Variants in FGF14 observed in about 807,000 individuals in gnomAD.
The protein encoded by FGF14 is fibroblast growth factor 14, also known as fibroblast growth factor homologous factor 4.
Under a neutral mutation model 25.5 loss-of-function variants are expected in FGF14, and 5 were observed. That is an observed-to-expected ratio of 0.20 (90% confidence interval 0.10 to 0.41). FGF14 has a LOEUF of 0.41. FGF14 is among the 10% of genes least tolerant of loss of function. FGF14 has a pLI of 1.00. For synonymous variants in FGF14, 138 were observed against 118.3 expected (o/e 1.17, Z -1.08); for missense variants, 222 against 320.1 (o/e 0.69, Z 2.34).
chr13:101,938,324 T>C (rs1318471176), intron 1 of FGF14, among the ~76,000 whole-genome samples: 1 of 152,244 alleles, frequency 6.6e-6, no homozygotes, highest in African/African-American at 2.4e-5. Context: ...GTCTGTCATG[T>C]GTATTTACCA....
intron 3 of FGF14, among the ~76,000 whole-genome samples, chr13:101,759,959 T>C (rs2037911715): frequency 6.6e-6 from 1 of 152,092 alleles, no homozygotes; most frequent in African/African-American, 2.4e-5. Context: ...AATAAACTCC[T>C]AAGAGGAAAA....
chr13:101,903,643 G>C (rs1030819953), intron 1 of FGF14, among the ~76,000 whole-genome samples: 1 of 152,028 alleles, frequency 6.6e-6, no homozygotes, highest in Non-Finnish European at 1.5e-5. Flanking sequence ...AGGAGGGAGG[G>C]CTGTGTGCCA....
At chr13:102,384,088 C>A (rs1037001384) in intron 1 of FGF14, among the ~76,000 whole-genome samples, 2 of 151,938 alleles carry the variant, frequency 1.3e-5, no homozygotes, top group African/African-American at 4.8e-5. Flanking sequence ...TTTCTATAAT[C>A]AAAATGTATT....
At chr13:101,929,341 C>A (rs902422982) in intron 1 of FGF14, among the ~76,000 whole-genome samples, 4 of 152,134 alleles carry the variant, frequency 2.6e-5, no homozygotes, top group African/African-American at 4.8e-5. Flanking sequence ...ATGGGGATTG[C>A]AGTCAGAAAA....
rs1406078078 is a variant in FGF14 at position 101,719,318 on chromosome 13, G to C, written c.*3513C>G. 1 of 152,010 alleles carries C rather than the reference G, an allele frequency of 6.6e-6. No homozygotes were observed. Among genetic ancestry groups the C allele is most frequent in the Non-Finnish European group, 1.5e-5 (1 of 67,994 alleles). 9.4% of individuals were successfully genotyped at this position (152,010 alleles called of 1,614,324 possible). ...TAGGTATGATAAAGAACTTCTGCTT[G>C]CTCCCCAAGAGGCAAACTATTAGAA... On this transcript the variant is annotated 3_prime_UTR_variant, in exon 5 of 5. Coordinates refer to ENST00000376143, the MANE Select transcript of FGF14 (RefSeq NM_004115.4).
chr13:101,947,647 G>A (rs999444698), intron 1 of FGF14, among the ~76,000 whole-genome samples: 1 of 152,094 alleles, frequency 6.6e-6, no homozygotes, highest in African/African-American at 2.4e-5. Flanking sequence ...AGTACACATG[G>A]GCAAAAAGAT....
chr13:101,849,929 A>G (rs931577906), intron 3 of FGF14, among the ~76,000 whole-genome samples: 15 of 152,074 alleles, frequency 9.9e-5, no homozygotes, highest in African/African-American at 3.6e-4. Flanking sequence ...GGCTACCACC[A>G]AAGCTCTGAG....
upstream of FGF14, among the ~76,000 whole-genome samples, chr13:101,918,313 C>T (rs2033729654): frequency 6.6e-6 from 1 of 152,152 alleles, no homozygotes; most frequent in Admixed American, 6.5e-5. Context: ...GCTCTGGCTC[C>T]GGGCTTCTTA....
chr13:102,052,267 C>G (rs2042243467), intron 1 of FGF14, among the ~76,000 whole-genome samples: 1 of 151,890 alleles, frequency 6.6e-6, no homozygotes, highest in Non-Finnish European at 1.5e-5. Flanking sequence ...TCAACATCAA[C>G]AGAGCAAATG....
At chr13:101,929,147 G>A (rs764102358) in intron 1 of FGF14, among the ~76,000 whole-genome samples, 6 of 152,156 alleles carry the variant, frequency 3.9e-5, no homozygotes, top group Admixed American at 6.6e-5. Flanking sequence ...AGAATATAGC[G>A]GGGAAGATGT....
intron 1 of FGF14, among the ~76,000 whole-genome samples, chr13:101,990,946 A>G (rs1392950694): frequency 6.6e-6 from 1 of 152,110 alleles, no homozygotes; most frequent in Admixed American, 6.6e-5. Flanking sequence ...ATCTAGCACA[A>G]TTGAATCTAA....
intron 1 of FGF14, among the ~76,000 whole-genome samples, chr13:102,051,184 T>C (rs1352631830): frequency 6.6e-6 from 1 of 152,170 alleles, no homozygotes; most frequent in Non-Finnish European, 1.5e-5. Context: ...TCTCATTACA[T>C]GTGCCCATGT....
Position 102,301,491 on chromosome 13 carries a change from G to A in FGF14, c.208+99980C>T, listed in dbSNP as rs142698311. On this transcript the variant is annotated intron_variant, in intron 1 of 4. Coordinates refer to the FGF14 transcript ENST00000376131. Reference sequence around the variant, plus strand: ...GGCTCCTCAGCTATTGGGGTAGGTAGATAAAAATGTAAATTAATAAAGGAG... The same window carrying A: ...GGCTCCTCAGCTATTGGGGTAGGTAAATAAAAATGTAAATTAATAAAGGAG... Among the ~76,000 whole-genome samples the A allele has an allele frequency of 3.4e-3, 522 of 152,242 alleles. 1 individual carries two copies. The highest frequency in any genetic ancestry group is 0.012 in the African/African-American group (490 of 41,562).
chr13:101,962,360 G>A (rs2036912673), intron 1 of FGF14, among the ~76,000 whole-genome samples: 1 of 152,090 alleles, frequency 6.6e-6, no homozygotes, highest in Non-Finnish European at 1.5e-5. Flanking sequence ...CTCTCTGTTT[G>A]TCTGTTGTTG....
At chr13:101,932,756 T>TTA (rs1420733929) in intron 1 of FGF14, among the ~76,000 whole-genome samples, 1 of 98,582 alleles carries the variant, frequency 1.0e-5, no homozygotes, top group African/African-American at 4.1e-5. Flanking sequence ...AAAATTACAG[T>TTA]AAAAAAAAAA....
chr13:102,396,308 A>G (rs1039543982), intron 1 of FGF14, among the ~76,000 whole-genome samples: 2 of 152,240 alleles, frequency 1.3e-5, no homozygotes, highest in Admixed American at 6.5e-5. Flanking sequence ...TTTAACACTG[A>G]AGAGAAGAGC....
rs191848526 is a variant in FGF14 at position 102,319,141 on chromosome 13, C to T, written c.208+82330G>A. Among the ~76,000 whole-genome samples, 146 of 152,288 alleles carry T rather than the reference C, an allele frequency of 9.6e-4. No homozygotes were observed. The South Asian group carries it at 9.7e-3, about 10-fold the overall frequency. ...GCTATAAATAGCAGTTAGTCTTATC[C>T]TTCAAAATGTCATGTGTACTTTTTA... On this transcript the variant is annotated intron_variant, in intron 1 of 4. Coordinates refer to the FGF14 transcript ENST00000376131.
chr13:101,991,502 T>C (rs1266662085), intron 1 of FGF14, among the ~76,000 whole-genome samples: 1 of 152,152 alleles, frequency 6.6e-6, no homozygotes, highest in Non-Finnish European at 1.5e-5. Context: ...GTTTCTAGTC[T>C]GACGTGCAAA....
At chr13:102,282,086 G>T (rs2053868644) in intron 1 of FGF14, among the ~76,000 whole-genome samples, 1 of 143,842 alleles carries the variant, frequency 7.0e-6, no homozygotes, top group Admixed American at 7.0e-5. Context: ...CTTCCTTTGA[G>T]ATGGAGTCTT....
Sources: allele counts gnomAD v4.1 joint callset (sites outside exome capture counted in the v4.1 genomes callset), GRCh38; gene constraint gnomAD v4.1.1; transcripts MANE v1.5; gene names NCBI Gene and HGNC (gene_info 2026-07-23, HGNC 2026-07-21).